DLGAP2: variants seen among roughly 807,000 people sequenced by gnomAD.
DLGAP2 encodes disks large-associated protein 2.
In DLGAP2, 26 loss-of-function variants were observed where a neutral mutation model predicts 100.3. That is an observed-to-expected ratio of 0.26 (90% confidence interval 0.19 to 0.36). DLGAP2 has a LOEUF of 0.36. DLGAP2 is among the 10% of genes least tolerant of loss of function. The pLI, the probability that DLGAP2 is intolerant of heterozygous loss-of-function variation, is 1.00. For missense variants in DLGAP2, 1,858 were observed against 1,453.2 expected, an observed-to-expected ratio of 1.28 and a Z score of -4.53; for synonymous variants, 886 against 630.1, an observed-to-expected ratio of 1.41 and a Z score of -6.08.
intron 1 of DLGAP2, among the ~76,000 whole-genome samples, chr8:794,140 A>G (rs907842139): frequency 2.0e-5 from 3 of 148,940 alleles, no homozygotes; most frequent in South Asian, 4.2e-4. Flanking sequence ...TAGATAAACT[A>G]CATCTATTAC....
intron 3 of DLGAP2, among the ~76,000 whole-genome samples, chr8:1,289,466 C>T (rs1355376518): frequency 6.6e-6 from 1 of 152,182 alleles, no homozygotes; most frequent in East Asian, 1.9e-4. Context: ...TATTTTTAAG[C>T]CCCTCTGCAC....
chr8:1,253,979 G>T (rs997264641), intron 2 of DLGAP2, among the ~76,000 whole-genome samples: 1 of 152,204 alleles, frequency 6.6e-6, no homozygotes, highest in Non-Finnish European at 1.5e-5. Flanking sequence ...CAGTTTTGAC[G>T]CATATTTTGG....
At chr8:1,036,328 C>G (rs1377076377) in intron 2 of DLGAP2, among the ~76,000 whole-genome samples, 1 of 152,280 alleles carries the variant, frequency 6.6e-6, no homozygotes, top group African/African-American at 2.4e-5. Context: ...AGCACCCCAT[C>G]TGCTGCAGTG....
At chr8:1,235,359 G>A (rs1215798659) in intron 2 of DLGAP2, among the ~76,000 whole-genome samples, 1 of 148,574 alleles carries the variant, frequency 6.7e-6, no homozygotes, top group Non-Finnish European at 1.5e-5. Flanking sequence ...CTCACACGTG[G>A]CGTCGTGTCT....
At chr8:1,174,003 T>G (rs13276204) in intron 2 of DLGAP2, among the ~76,000 whole-genome samples, 32,132 of 152,098 alleles carry the variant, frequency 0.21, 4,107 homozygotes, top group Non-Finnish European at 0.29. Context: ...CTGGAGCTAT[T>G]CCTATTTGGC....
intron 3 of DLGAP2, among the ~76,000 whole-genome samples, chr8:1,451,760 C>G (rs548894441): frequency 6.6e-6 from 1 of 152,204 alleles, no homozygotes; most frequent in African/African-American, 2.4e-5. Flanking sequence ...TCCACAGTAA[C>G]GACTCCCACA....
intron 12 of DLGAP2, among the ~76,000 whole-genome samples, chr8:1,684,064 C>G (rs1263560066): frequency 6.7e-6 from 1 of 149,034 alleles, no homozygotes; most frequent in Admixed American, 6.7e-5. Context: ...TCACTGCAAC[C>G]TCTGCCTCCC....
intron 2 of DLGAP2, among the ~76,000 whole-genome samples, chr8:1,230,682 A>G (rs1202663633): frequency 6.6e-6 from 1 of 152,230 alleles, no homozygotes; most frequent in African/African-American, 2.4e-5. Flanking sequence ...AGAACAGAAT[A>G]TACAACCCAG....
chr8:780,142 C>T (rs1057108927), intron 1 of DLGAP2, among the ~76,000 whole-genome samples: 5 of 152,214 alleles, frequency 3.3e-5, no homozygotes, highest in Non-Finnish European at 5.9e-5. Context: ...GCCCTTTCCT[C>T]ATCCCCGCCA....
At chr8:1,232,060 A>C (rs537344886) in intron 2 of DLGAP2, among the ~76,000 whole-genome samples, 1 of 152,352 alleles carries the variant, frequency 6.6e-6, no homozygotes, top group East Asian at 1.9e-4. Flanking sequence ...ACAAGTAGTG[A>C]ACCAATATTT....
At chr8:1,140,076 T>G (rs1356982169) in intron 2 of DLGAP2, among the ~76,000 whole-genome samples, 1 of 152,144 alleles carries the variant, frequency 6.6e-6, no homozygotes, top group Admixed American at 6.5e-5. Context: ...ATCATAACAG[T>G]GTGGCCATCA....
Position 1,704,397 on chromosome 8 carries a change from G to A in DLGAP2, c.*2991G>A, listed in dbSNP as rs1204899324. On this transcript the variant is annotated 3_prime_UTR_variant, in exon 15 of 15. Transcript: ENST00000637795. ...ACAGGTTGATCCTGCTGTGTTGAAG[G>A]CTGTGGTTAATAAAACACAAGTATG... The A allele has an allele frequency of 6.6e-6, 1 of 152,214 alleles. No individual in the cohort carries two copies. Among genetic ancestry groups the A allele is most frequent in the Admixed American group, 6.5e-5 (1 of 15,274 alleles). The allele number at this position is 152,214 out of a possible 1,614,324, so 9.4% of individuals were successfully genotyped here. A position where few individuals can be genotyped will look rare whatever the true frequency, so the allele number is the denominator to read the frequency against.
At chr8:1,604,787 A>T (rs1281331185) in intron 6 of DLGAP2, 4 of 152,044 alleles carry the variant, frequency 2.6e-5, no homozygotes, top group Non-Finnish European at 5.9e-5. Flanking sequence ...TTTATAAAGA[A>T]AAAAGCAATG....
intron 2 of DLGAP2, among the ~76,000 whole-genome samples, chr8:1,040,032 CG>C (rs1802279569): frequency 6.9e-6 from 1 of 144,228 alleles, no homozygotes. Context: ...GTGGTCAGCT[CG>C]GTGTGCATGG....
chr8:1,287,633 AGTGTGTGTGT>A (rs782499346), intron 3 of DLGAP2, among the ~76,000 whole-genome samples: 8 of 69,618 alleles, frequency 1.1e-4, no homozygotes, highest in African/African-American at 4.0e-4. Context: ...GTTTCGGTTG[AGTGTGTGTGT>A]GTGTGTGTGT....
intron 3 of DLGAP2, among the ~76,000 whole-genome samples, chr8:1,364,539 A>G (rs1388087286): frequency 1.3e-5 from 2 of 150,692 alleles, no homozygotes; most frequent in Non-Finnish European, 3.0e-5. Flanking sequence ...TTTTCCCTGG[A>G]GGACTGGGGC....
intron 3 of DLGAP2, among the ~76,000 whole-genome samples, chr8:1,464,319 G>GGCTCCCTTCCAGGACAACA (rs1798554762): frequency 2.2e-5 from 1 of 45,884 alleles, no homozygotes; most frequent in Non-Finnish European, 3.9e-5. Context: ...CCAGGACAAC[G>GGCTCCCTTCCAGGACAACA]CCCTTCCAGG....
intron 2 of DLGAP2, among the ~76,000 whole-genome samples, chr8:1,182,803 C>T (rs140665688): frequency 4.2e-3 from 643 of 152,272 alleles, no homozygotes; most frequent in Middle Eastern, 0.01. Context: ...GGAGAGTCCA[C>T]GGGTCGGCAA....
In DLGAP2 at chr8:765,670, C is replaced by CT. The variant is rs71202657; in HGVS notation, c.18+27846dup. On this transcript the variant is annotated intron_variant, in intron 1 of 14. Coordinates refer to ENST00000637795, the MANE Select transcript of DLGAP2 (RefSeq NM_001346810.2). ...TAAACAAGGGTCACGTTTGGGACCT[C>CT]TAAGACTCTATGGAGTTTCCTCTAT... Among the ~76,000 whole-genome samples the CT allele has an allele frequency of 7.7e-3, 1,180 of 152,302 alleles. 5 individuals are homozygous for CT. Among genetic ancestry groups the CT allele is most frequent in the South Asian group, 0.017 (83 of 4,820 alleles).
Sources: allele counts gnomAD v4.1 joint callset (sites outside exome capture counted in the v4.1 genomes callset), GRCh38; gene constraint gnomAD v4.1.1; transcripts MANE v1.5; gene names NCBI Gene and HGNC (gene_info 2026-07-23, HGNC 2026-07-21).